BRWD1: variants seen among roughly 807,000 people sequenced by gnomAD.
BRWD1 encodes bromodomain and WD repeat-containing protein 1.
Under a neutral mutation model 251.2 loss-of-function variants are expected in BRWD1, and 82 were observed. That is an observed-to-expected ratio of 0.33 (90% confidence interval 0.27 to 0.39). The LOEUF (loss-of-function observed/expected upper bound fraction) is 0.39, where lower values mean the gene tolerates loss of function less well. BRWD1 is among the 10% of genes least tolerant of loss of function. BRWD1 has a pLI of 1.00. For missense variants in BRWD1, 2,233 were observed against 2,711.6 expected (o/e 0.82, Z 3.92); for synonymous variants, 918 against 902.8 (o/e 1.02, Z -0.30).
Position 39,313,040 on chromosome 21 carries a change from C to G in BRWD1, c.138+32G>C, listed in dbSNP as rs1327349212. ...TCAGGGCAAGGTCGGCAGGAGGAAC[C>G]CGAGGGAGCGCGGGGACGGGCGCGC... On this transcript the variant is annotated intron_variant, in intron 3 of 40. Transcript: ENST00000342449. 1.1e-5 allele frequency: 15 copies of G among 1,362,910 alleles called. No individual in the cohort carries two copies. The Admixed American group carries it at 4.9e-4, about 45-fold the overall frequency. 84.4% of individuals were successfully genotyped at this position (1,362,910 alleles called of 1,614,324 possible). A position where few individuals can be genotyped will look rare whatever the true frequency, so the allele number is the denominator to read the frequency against.
intron 15 of BRWD1, among the ~76,000 whole-genome samples, chr21:39,267,264 C>T (rs902689940): frequency 3.3e-5 from 5 of 151,620 alleles, no homozygotes; most frequent in African/African-American, 1.2e-4. Context: ...TCTAAGAATG[C>T]ATCAGCATCA....
chr21:39,200,799 A>C (rs1007384560), intron 38 of BRWD1, among the ~76,000 whole-genome samples: 1 of 152,140 alleles, frequency 6.6e-6, no homozygotes, highest in Admixed American at 6.5e-5. Flanking sequence ...TAGCCTGGCC[A>C]AATAGTGAAA....
At chr21:39,213,064 T>C (rs528247343) in intron 33 of BRWD1, among the ~76,000 whole-genome samples, 31 of 152,272 alleles carry the variant, frequency 2.0e-4, no homozygotes, top group African/African-American at 7.5e-4. Context: ...TTGTGTTCTA[T>C]AGTACAGGCA....
At chr21:39,197,484 AAAC>A (rs2031883927) in intron 40 of BRWD1, 69 bp from the exon 41 acceptor site, 1 of 1,283,792 alleles carries the variant, frequency 7.8e-7, no homozygotes, top group East Asian at 2.3e-5. Context: ...TCAATATTAA[AAAC>A]AAGTTCAGAA....
Position 39,250,781 on chromosome 21 carries a change from CAG to C in BRWD1, c.2349+13_2349+14del, listed in dbSNP as rs755541436. The stretch of plus-strand genomic sequence containing the variant: ...TGTAATTTCTAATTTGCTAAGAAAA[CAG>C]AATTTAGGTTACCTTATGTGAGAGC... On this transcript the variant is annotated intron_variant, in intron 20 of 40. Transcript: ENST00000342449. 127 of 1,481,914 alleles carry C rather than the reference CAG, an allele frequency of 8.6e-5. No individual in the cohort carries two copies. Among genetic ancestry groups the C allele is most frequent in the Admixed American group, 6.5e-5 (3 of 45,996 alleles). The allele number at this position is 1,481,914 out of a possible 1,614,324, so 91.8% of individuals were successfully genotyped here.
Position 39,206,067 on chromosome 21 carries a change from TTAAA to T in BRWD1, c.4364+37_4364+40del, listed in dbSNP as rs773751498. On this transcript the variant is annotated intron_variant, in intron 37 of 40. Transcript: ENST00000342449. ...TGACACAGTGAGACTCTCTCCAAAA[TTAAA>T]TAAATAAATAAAGCAAGCTTGCCAT... 1.9e-5 allele frequency: 29 copies of T among 1,564,622 alleles called. No individual in the cohort carries two copies. The South Asian group carries it at 2.2e-4, about 12-fold the overall frequency.
chr21:39,297,848 T>C, intron 5 of BRWD1: 2 of 966,862 alleles, frequency 2.1e-6, no homozygotes, highest in Non-Finnish European at 2.5e-6. Context: ...ATATATTATA[T>C]CACATACATA....
chr21:39,308,428 G>A (rs1391442398), intron 4 of BRWD1, among the ~76,000 whole-genome samples: 1 of 144,278 alleles, frequency 6.9e-6, no homozygotes, highest in Non-Finnish European at 1.5e-5. Context: ...GTTGCAGTCA[G>A]CCAAGATTAT....
chr21:39,255,499 C>A (rs1328722733), intron 19 of BRWD1, 146 bp downstream of exon 19: 1 of 664,920 alleles, frequency 1.5e-6, no homozygotes, highest in African/African-American at 1.8e-5. Flanking sequence ...CATTTTCCTA[C>A]CACAATTAAG....
chr21:39,216,144 T>C (rs1399613579), intron 31 of BRWD1, among the ~76,000 whole-genome samples: 1 of 152,200 alleles, frequency 6.6e-6, no homozygotes, highest in Non-Finnish European at 1.5e-5. Flanking sequence ...CTTTTTATAA[T>C]TTCTTAAAGT....
At chr21:39,298,202 C>T (rs1280917239) in intron 5 of BRWD1, 1 of 1,169,748 alleles carries the variant, frequency 8.5e-7, no homozygotes, top group Middle Eastern at 3.5e-4. Flanking sequence ...TAAATTCAAG[C>T]TTTTTAGCTT....
chr21:39,285,718 T>C (rs1046084250), intron 8 of BRWD1, among the ~76,000 whole-genome samples: 1 of 151,232 alleles, frequency 6.6e-6, no homozygotes, highest in African/African-American at 2.4e-5. Flanking sequence ...AGCCTAGGAG[T>C]GTGACCAGTT....
At chr21:39,209,436 GAA>G (rs779201176) in intron 36 of BRWD1, among the ~76,000 whole-genome samples, 1 of 123,062 alleles carries the variant, frequency 8.1e-6, no homozygotes, top group Non-Finnish European at 1.8e-5. Flanking sequence ...GAGTAGGCTA[GAA>G]AAAAAAAAAA....
At chr21:39,247,270 CA>C (rs2034226867) in intron 21 of BRWD1, among the ~76,000 whole-genome samples, 1 of 152,118 alleles carries the variant, frequency 6.6e-6, no homozygotes, top group Non-Finnish European at 1.5e-5. Context: ...CCAACTCTGT[CA>C]ATATACTACA....
chr21:39,314,018 G>T (rs1404495449), upstream of BRWD1: 2 of 454,764 alleles, frequency 4.4e-6, no homozygotes, highest in East Asian at 1.4e-4. Context: ...CCTCTACGCG[G>T]GACCGCAGGG....
rs2034368578 is a variant in BRWD1, at chr21:39,250,773, T to C, written c.2349+23A>G. On this transcript the variant is annotated intron_variant, in intron 20 of 40. Coordinates refer to ENST00000342449, the MANE Select transcript of BRWD1 (RefSeq NM_033656.4). Reference sequence around the variant, plus strand: ...TATTTCAATGTAATTTCTAATTTGCTAAGAAAACAGAATTTAGGTTACCTT... The same window carrying C: ...TATTTCAATGTAATTTCTAATTTGCCAAGAAAACAGAATTTAGGTTACCTT... 3 of 1,433,728 alleles carry C rather than the reference T, an allele frequency of 2.1e-6. No individual in the cohort carries two copies. In the African/African-American group the frequency reaches 4.3e-5, roughly 21 times the overall value. The allele number at this position is 1,433,728 out of a possible 1,614,324, so 88.8% of individuals were successfully genotyped here.
rs968837528 is a variant in BRWD1 at position 39,193,807 on chromosome 21, A to G, written c.*2452T>C. The G allele has an allele frequency of 8.1e-6, 8 of 985,378 alleles. No homozygotes were observed. The highest frequency in any genetic ancestry group is 7.0e-5 in the African/African-American group (4 of 57,208). The allele number at this position is 985,378 out of a possible 1,614,324, so 61.0% of individuals were successfully genotyped here. A position where few individuals can be genotyped will look rare whatever the true frequency, so the allele number is the denominator to read the frequency against. Reference sequence around the variant, plus strand: ...ATAACGTAGAAAAAAAAGGCCAAACATGTTCTAGTGCTCAATGTAAACATT... The same window carrying G: ...ATAACGTAGAAAAAAAAGGCCAAACGTGTTCTAGTGCTCAATGTAAACATT... On this transcript the variant is annotated 3_prime_UTR_variant, in exon 41 of 41. Coordinates refer to ENST00000342449, the MANE Select transcript of BRWD1 (RefSeq NM_033656.4).
chr21:39,312,971 G>C (rs1382291537), intron 3 of BRWD1, 71 bp from the exon 4 acceptor site: 3 of 622,648 alleles, frequency 4.8e-6, no homozygotes, highest in Non-Finnish European at 4.1e-6. Flanking sequence ...GGGGGGCCGG[G>C]GGCGGGCGGC....
chr21:39,258,924 G>T lies in BRWD1; in HGVS notation c.1886-252C>A, dbSNP rs984107270. ...GCCTCTGAAATTCCTGCAAGTGGAA[G>T]CATGGAAACATATTTCTGTAAAACT... On this transcript the variant is annotated intron_variant, in intron 17 of 40. Coordinates refer to ENST00000342449, the MANE Select transcript of BRWD1 (RefSeq NM_033656.4). Among the ~76,000 whole-genome samples, 3 of 152,240 alleles carry T rather than the reference G, an allele frequency of 2.0e-5. No homozygotes were observed. The South Asian group carries it at 6.2e-4, about 32-fold the overall frequency.
Sources: gnomAD v4.1 joint callset for allele counts (sites outside exome capture counted in the v4.1 genomes callset) on GRCh38, gnomAD v4.1.1 for gene constraint, MANE v1.5 for transcripts, NCBI Gene and HGNC (gene_info 2026-07-23, HGNC 2026-07-21) for gene names.